ENTREP2: variants seen among roughly 807,000 people sequenced by gnomAD.
ENTREP2 encodes the protein protein ENTREP2.
chr15:29,219,622 T>TC, the ENTREP2 span, among the ~76,000 whole-genome samples: 1 of 16,066 alleles, frequency 6.2e-5, no homozygotes, highest in African/African-American at 1.7e-4. Flanking sequence ...TAAATATATA[T>TC]ATATATATAT....
At chr15:29,585,855 CAAAAAAAAAAAAAA>C in the ENTREP2 span, among the ~76,000 whole-genome samples, 1 of 110,874 alleles carries the variant, frequency 9.0e-6, no homozygotes, top group South Asian at 3.0e-4. Context: ...GACTCTGTCT[CAAAAAAAAAAAAAA>C]AAAAAAAAAA....
chr15:29,246,413 G>T, the ENTREP2 span, among the ~76,000 whole-genome samples: 3 of 136,058 alleles, frequency 2.2e-5, no homozygotes, highest in African/African-American at 5.6e-5. Context: ...AAAAAAAAAA[G>T]GCTGGGCGCA....
the ENTREP2 span, among the ~76,000 whole-genome samples, chr15:29,470,097 T>C: frequency 6.6e-6 from 1 of 152,200 alleles, no homozygotes; most frequent in African/African-American, 2.4e-5. Context: ...AAAAGGAGCC[T>C]AAGACAAGAT....
chr15:29,356,556 C>T, the ENTREP2 span, among the ~76,000 whole-genome samples: 56 of 151,746 alleles, frequency 3.7e-4, no homozygotes, highest in Non-Finnish European at 6.9e-4. Flanking sequence ...CCGCCCGCCT[C>T]GGCCTCCCAA....
At chr15:29,426,871 G>A in the ENTREP2 span, among the ~76,000 whole-genome samples, 6 of 152,162 alleles carry the variant, frequency 3.9e-5, no homozygotes, top group Admixed American at 1.3e-4. Flanking sequence ...CGAGTGGTCA[G>A]TGTGATGCCC....
At chr15:29,136,542 G>A in the ENTREP2 span, 2 of 1,537,238 alleles carry the variant, frequency 1.3e-6, no homozygotes, top group African/African-American at 1.4e-5. Flanking sequence ...GCCCGAAGGA[G>A]GAGGCAGAAG....
chr15:29,600,902 C>CCTTTTTTTTTTTTTTTTTTTTTTTTTTTT, the ENTREP2 span, among the ~76,000 whole-genome samples: 21 of 123,608 alleles, frequency 1.7e-4, 2 homozygotes, highest in African/African-American at 6.8e-4. Flanking sequence ...ATTTTTCTTT[C>CCTTTTTTTTTTTTTTTTTTTTTTTTTTTT]TTTTTTTTTT....
At chr15:29,536,901 A>C in the ENTREP2 span, among the ~76,000 whole-genome samples, 135 of 152,228 alleles carry the variant, frequency 8.9e-4, 1 homozygote, top group African/African-American at 3.2e-3. Context: ...ACCAGAAGCC[A>C]GGAGAAAGGG....
the ENTREP2 span, among the ~76,000 whole-genome samples, chr15:29,430,520 C>T: frequency 6.6e-6 from 1 of 152,080 alleles, no homozygotes; most frequent in African/African-American, 2.4e-5. Flanking sequence ...GTGGCACATG[C>T]CTGTAATCAC....
the ENTREP2 span, among the ~76,000 whole-genome samples, chr15:29,371,349 A>ACACACAC: frequency 3.0e-5 from 4 of 133,892 alleles, no homozygotes; most frequent in African/African-American, 1.1e-4. Context: ...CACCCCCGCA[A>ACACACAC]ACACACACAC....
At chr15:29,327,454 G>A in the ENTREP2 span, among the ~76,000 whole-genome samples, 1 of 151,982 alleles carries the variant, frequency 6.6e-6, no homozygotes, top group Non-Finnish European at 1.5e-5. Context: ...AATTAGCCAG[G>A]TGTGCTAGCG....
the ENTREP2 span, among the ~76,000 whole-genome samples, chr15:29,641,880 A>G: frequency 6.6e-6 from 1 of 151,956 alleles, no homozygotes; most frequent in Non-Finnish European, 1.5e-5. Flanking sequence ...TTCATTTACG[A>G]GATCATTAAA....
the ENTREP2 span, among the ~76,000 whole-genome samples, chr15:29,553,632 G>A: frequency 6.6e-6 from 1 of 152,180 alleles, no homozygotes; most frequent in African/African-American, 2.4e-5. Flanking sequence ...AGCCTAGGCT[G>A]GAAAAAGCAA....
At chr15:29,405,787 A>G in the ENTREP2 span, among the ~76,000 whole-genome samples, 1,024 of 152,314 alleles carry the variant, frequency 6.7e-3, 4 homozygotes, top group Non-Finnish European at 9.6e-3. Flanking sequence ...GTCGGCACGC[A>G]CAAGGTTGGC....
the ENTREP2 span, among the ~76,000 whole-genome samples, chr15:29,480,173 TTAC>T: frequency 6.6e-6 from 1 of 151,994 alleles, no homozygotes; most frequent in Non-Finnish European, 1.5e-5. Context: ...TGAATTCTTC[TTAC>T]TGATTCAAGT....
the ENTREP2 span, among the ~76,000 whole-genome samples, chr15:29,656,939 T>C: frequency 6.6e-6 from 1 of 152,194 alleles, no homozygotes; most frequent in East Asian, 1.9e-4. Flanking sequence ...ACTCCATAAA[T>C]AGCCCAAATT....
At chr15:29,644,276 C>T in the ENTREP2 span, among the ~76,000 whole-genome samples, 1 of 152,094 alleles carries the variant, frequency 6.6e-6, no homozygotes, top group Non-Finnish European at 1.5e-5. Flanking sequence ...TTGCCAAGGG[C>T]TGATGGGACA....
the ENTREP2 span, among the ~76,000 whole-genome samples, chr15:29,194,298 G>C: frequency 2.0e-5 from 3 of 152,170 alleles, no homozygotes; most frequent in African/African-American, 7.2e-5. Context: ...TGGGGGACAG[G>C]GGCAGGCTGC....
the ENTREP2 span, among the ~76,000 whole-genome samples, chr15:29,490,021 G>C: frequency 6.6e-6 from 1 of 152,304 alleles, no homozygotes; most frequent in Middle Eastern, 3.4e-3. Context: ...TGGGTTCAAA[G>C]CAGTTTAACA....
Sources: allele counts gnomAD v4.1 joint callset (sites outside exome capture counted in the v4.1 genomes callset), GRCh38; gene constraint gnomAD v4.1.1; transcripts MANE v1.5; gene names NCBI Gene and HGNC (gene_info 2026-07-23, HGNC 2026-07-21).